The following PPFIA3 variants were observed in gnomAD, a reference collection of about 807,000 sequenced individuals.
The protein encoded by PPFIA3 is liprin-alpha-3.
In PPFIA3, 26 loss-of-function variants were observed where a neutral mutation model predicts 145.8. The observed-to-expected ratio is 0.18, with a 90% CI of 0.13 to 0.25. The LOEUF is 0.25. Among genes scored for constraint, PPFIA3 ranks in the 10% least tolerant of loss-of-function variants. The pLI is 1.00. For synonymous variants in PPFIA3, 645 were observed against 661.4 expected, an observed-to-expected ratio of 0.98 and a Z score of 0.38; for missense variants, 1,008 against 1,587.8, an observed-to-expected ratio of 0.63 and a Z score of 6.21.
intron 23 of PPFIA3, chr19:49,146,395 T>G (rs905793305): frequency 3.1e-6 from 2 of 643,012 alleles, no homozygotes; most frequent in African/African-American, 3.7e-5. Context: ...AAGCCCAGAC[T>G]GTTGCATAGT....
chr19:49,141,936 CAT>C (rs1491240683), intron 19 of PPFIA3, 96 bp from the exon 20 acceptor site: 96 of 746,998 alleles, frequency 1.3e-4, no homozygotes, highest in Non-Finnish European at 1.8e-4. Flanking sequence ...TGCGTATGTG[CAT>C]GTGTGTGTGT....
intron 23 of PPFIA3, among the ~76,000 whole-genome samples, chr19:49,147,634 C>T (rs572113569): frequency 2.0e-5 from 3 of 151,130 alleles, no homozygotes; most frequent in Admixed American, 1.3e-4. Flanking sequence ...TGCAGTGAGA[C>T]GAGATCGTGC....
At chr19:49,127,351 GCACTCCAGCCTGGGTGACAGAT>G (rs2041012324) in intron 1 of PPFIA3, among the ~76,000 whole-genome samples, 1 of 126,442 alleles carries the variant, frequency 7.9e-6, no homozygotes, top group Non-Finnish European at 1.6e-5. Flanking sequence ...TCGCATCACT[GCACTCCAGCCTGGGTGACAGAT>G]CACTCCAGCT....
intron 1 of PPFIA3, among the ~76,000 whole-genome samples, chr19:49,127,342 C>A (rs557848084): frequency 7.7e-6 from 1 of 129,350 alleles, no homozygotes; most frequent in East Asian, 2.3e-4. Flanking sequence ...GAGCCGAGAT[C>A]GCATCACTGC....
At chr19:49,140,231 C>T (rs1050137738) in intron 18 of PPFIA3, 143 bp downstream of exon 18, 2 of 1,138,398 alleles carry the variant, frequency 1.8e-6, no homozygotes, top group East Asian at 2.6e-5. Flanking sequence ...AGGAACACAG[C>T]TTGCCAAGGT....
At chr19:49,146,343 T>C in intron 23 of PPFIA3, 151 bp downstream of exon 23, 1 of 997,674 alleles carries the variant, frequency 1.0e-6, no homozygotes, top group South Asian at 1.7e-5. Flanking sequence ...GACTGTTCCA[T>C]TATGGCTTGG....
intron 7 of PPFIA3, among the ~76,000 whole-genome samples, chr19:49,131,154 G>A (rs1448527853): frequency 5.8e-5 from 8 of 137,136 alleles, no homozygotes; most frequent in Non-Finnish European, 7.8e-5. Flanking sequence ...GTGAGCCACC[G>A]CACCCAGCCT....
chr19:49,144,582 C>T (rs545569627), intron 21 of PPFIA3, among the ~76,000 whole-genome samples: 2 of 152,030 alleles, frequency 1.3e-5, no homozygotes, highest in South Asian at 2.1e-4. Context: ...GGTGTGGTGG[C>T]GTATACCTGT....
Position 49,149,126 on chromosome 19 carries a change from C to G in PPFIA3, c.3243C>G (p.Ser1081=). The G allele has an allele frequency of 1.2e-6, 2 of 1,614,150 alleles. No homozygotes were observed. Among genetic ancestry groups the G allele is most frequent in the Non-Finnish European group, 1.7e-6 (2 of 1,180,022 alleles). The part of the protein sequence containing the change: ...LLALDETFDY[S]DLALLLQIPT... ...CCCTGGACGAGACCTTCGACTACTC[C>G]GACCTGGCCTTGCTCCTGCAGATCC... The change falls in exon 26 of 30, where the codon TCC becomes TCG. Residue 1081 remains serine (S), a synonymous_variant. Transcript: ENST00000334186. This position sits in a 1 kb window ranked among gnomAD's most constrained non-coding sequence, Gnocchi z 5.7.
chr19:49,137,016 A>C, intron 15 of PPFIA3, 105 bp downstream of exon 15: 3 of 1,090,930 alleles, frequency 2.7e-6, no homozygotes, highest in Non-Finnish European at 3.8e-6. Flanking sequence ...CTCTTACACC[A>C]TCCACAAGGA....
At chr19:49,124,688 T>G (rs1229361918) in intron 1 of PPFIA3, among the ~76,000 whole-genome samples, 2 of 152,216 alleles carry the variant, frequency 1.3e-5, no homozygotes, top group East Asian at 3.8e-4. Context: ...GTGTTTTTTA[T>G]TTCCTTCTCG....
chr19:49,132,379 A>G (rs921737015), intron 7 of PPFIA3, among the ~76,000 whole-genome samples: 1 of 119,872 alleles, frequency 8.3e-6, no homozygotes, highest in African/African-American at 3.4e-5. Context: ...ACGGAGCAAG[A>G]CTCTCTCTCT....
Position 49,120,600 on chromosome 19 carries a change from C to T in PPFIA3, c.-16+878C>T, listed in dbSNP as rs1348614006. ...AGCGTTTGCTCTGCTTAGAACCCCG[C>T]TGTGCCCTGCAGACACACAGACTTA... On this transcript the variant is annotated intron_variant, in intron 1 of 29. Coordinates refer to ENST00000334186, the MANE Select transcript of PPFIA3 (RefSeq NM_003660.4). The surrounding 1 kb of genome is among the most constrained non-coding windows in gnomAD (Gnocchi z 4.6). 6.6e-6 allele frequency among the ~76,000 whole-genome samples: 1 copy of T among 152,184 alleles called. No homozygotes were observed. Among genetic ancestry groups the T allele is most frequent in the African/African-American group, 2.4e-5 (1 of 41,450 alleles).
At chr19:49,138,059 A>G (rs2041162724) in intron 15 of PPFIA3, 146 bp from the exon 16 acceptor site, 1 of 1,307,600 alleles carries the variant, frequency 7.6e-7, no homozygotes, top group Non-Finnish European at 9.9e-7. Flanking sequence ...GGCCTTCAGA[A>G]ACCCACCAAA....
chr19:49,120,302 G>A lies in PPFIA3; in HGVS notation c.-16+580G>A, dbSNP rs2040921070. 1.3e-5 allele frequency among the ~76,000 whole-genome samples: 2 copies of A among 152,056 alleles called. No homozygotes were observed. Among genetic ancestry groups the A allele is most frequent in the Non-Finnish European group, 2.9e-5 (2 of 67,976 alleles). ...GATCCCCCCGCCGCGCCTTTGACCC[G>A]GGAATACCCGGGCCCTCCCCGACCA... On this transcript the variant is annotated intron_variant, in intron 1 of 29. Coordinates refer to ENST00000334186, the MANE Select transcript of PPFIA3 (RefSeq NM_003660.4). This position sits in a 1 kb window ranked among gnomAD's most constrained non-coding sequence, Gnocchi z 4.6.
intron 15 of PPFIA3, 128 bp downstream of exon 15, chr19:49,137,039 C>T (rs987395497): frequency 1.1e-6 from 1 of 870,646 alleles, no homozygotes; most frequent in African/African-American, 1.7e-5. Context: ...TCTTCCAGCC[C>T]AACACTCACT....
chr19:49,128,527 G>A lies in PPFIA3; in HGVS notation c.342+59G>A. The A allele has an allele frequency of 2.1e-6, 3 of 1,457,042 alleles. No individual in the cohort carries two copies. Among genetic ancestry groups the A allele is most frequent in the South Asian group, 2.3e-5 (2 of 87,172 alleles). 90.3% of individuals were successfully genotyped at this position (1,457,042 alleles called of 1,614,324 possible). A position where few individuals can be genotyped will look rare whatever the true frequency, so the allele number is the denominator to read the frequency against. ...GCGGGGCCTCGTGGTGTTGAAGTGG[G>A]GGGCGGGGCCTCTCAGTGTTGCAGC... is the stretch of plus-strand genomic sequence containing the variant. On this transcript the variant is annotated intron_variant, in intron 3 of 29. Coordinates refer to ENST00000334186, the MANE Select transcript of PPFIA3 (RefSeq NM_003660.4). This position sits in a 1 kb window ranked among gnomAD's most constrained non-coding sequence, Gnocchi z 4.1.
chr19:49,122,800 C>T (rs890001707), intron 1 of PPFIA3, among the ~76,000 whole-genome samples: 9 of 148,674 alleles, frequency 6.1e-5, no homozygotes, highest in Non-Finnish European at 1.5e-5. Flanking sequence ...CAGCTCACTG[C>T]AAGCTCCGCC....
At chr19:49,147,852 T>C (rs2041299054) in intron 23 of PPFIA3, among the ~76,000 whole-genome samples, 1 of 152,220 alleles carries the variant, frequency 6.6e-6, no homozygotes, top group African/African-American at 2.4e-5. Flanking sequence ...CCACAGGTGA[T>C]GGTGACGCTC....
Sources: gnomAD v4.1 joint callset for allele counts (sites outside exome capture counted in the v4.1 genomes callset) on GRCh38, gnomAD v4.1.1 for gene constraint, Gnocchi (gnomAD v3.1) non-coding constraint, MANE v1.5 for transcripts, NCBI Gene and HGNC (gene_info 2026-07-23, HGNC 2026-07-21) for gene names.